The following MYH11 variants were observed in gnomAD, a reference collection of about 807,000 sequenced individuals.
MYH11 encodes the protein myosin heavy chain 11.
Under a neutral mutation model 246.6 loss-of-function variants are expected in MYH11, and 80 were observed. That is an observed-to-expected ratio of 0.32 (90% CI 0.27 to 0.39). MYH11 has a LOEUF of 0.39. Ranked by LOEUF, MYH11 falls within the 10% of genes least tolerant of loss-of-function variation. The probability of loss-of-function intolerance (pLI) is 1.00; values close to 1 mark genes in which losing one functional copy is unlikely to be tolerated. For synonymous variants in MYH11, 1,071 were observed against 1,015.5 expected (o/e 1.05, Z -1.04); for missense variants, 2,158 against 2,546.8 (o/e 0.85, Z 3.29).
At chr16:15,761,486 T>C (rs902643375) in intron 10 of MYH11, among the ~76,000 whole-genome samples, 2 of 152,218 alleles carry the variant, frequency 1.3e-5, no homozygotes, top group Non-Finnish European at 2.9e-5. Context: ...TACTGTTCAA[T>C]AAATATTTCT....
chr16:15,855,413 C>A (rs1008277012), intron 1 of MYH11, among the ~76,000 whole-genome samples: 1 of 152,206 alleles, frequency 6.6e-6, no homozygotes, highest in Non-Finnish European at 1.5e-5. Context: ...CTGACCCCAA[C>A]AAGTTTGTGT....
At chr16:15,845,799 G>A (rs1425365347) in intron 1 of MYH11, among the ~76,000 whole-genome samples, 1 of 151,886 alleles carries the variant, frequency 6.6e-6, no homozygotes, top group Non-Finnish European at 1.5e-5. Context: ...AAGTAAGATT[G>A]ATCACAAGTA....
chr16:15,804,891 G>C (rs114979469), intron 3 of MYH11, among the ~76,000 whole-genome samples: 8 of 152,172 alleles, frequency 5.3e-5, no homozygotes, highest in Non-Finnish European at 1.2e-4. Context: ...ATCATATTTT[G>C]TTTATCCATT....
At chr16:15,721,327 A>G in intron 32 of MYH11, 95 bp downstream of exon 32, 1 of 1,400,680 alleles carries the variant, frequency 7.1e-7, no homozygotes, top group Non-Finnish European at 1.0e-6. Flanking sequence ...GTTCGCTATG[A>G]AAAAGGCCAG....
intron 3 of MYH11, among the ~76,000 whole-genome samples, chr16:15,805,455 G>A (rs2042987338): frequency 6.6e-6 from 1 of 152,132 alleles, no homozygotes; most frequent in Admixed American, 6.6e-5. Flanking sequence ...TCCATGATAT[G>A]GCATTCAGAG....
intron 10 of MYH11, among the ~76,000 whole-genome samples, chr16:15,761,712 T>G (rs1198729996): frequency 6.6e-6 from 1 of 152,132 alleles, no homozygotes; most frequent in Non-Finnish European, 1.5e-5. Flanking sequence ...TAGGATTTTT[T>G]TTTCCCCATC....
chr16:15,754,947 G>A (rs959802067), intron 14 of MYH11, among the ~76,000 whole-genome samples: 2 of 152,166 alleles, frequency 1.3e-5, no homozygotes, highest in African/African-American at 4.8e-5. Context: ...TGGTGCTGGG[G>A]TTACAGGCGT....
intron 40 of MYH11, among the ~76,000 whole-genome samples, chr16:15,704,915 GCAGT>G (rs1430971025): frequency 4.6e-5 from 7 of 151,882 alleles, no homozygotes; most frequent in African/African-American, 1.7e-4. Flanking sequence ...CTGAGCTCAA[GCAGT>G]TCTCCTACCT....
chr16:15,781,343 G>A (rs1013949723), intron 6 of MYH11, among the ~76,000 whole-genome samples: 1 of 152,204 alleles, frequency 6.6e-6, no homozygotes, highest in Non-Finnish European at 1.5e-5. Flanking sequence ...GGCGAGGAAA[G>A]GAGACATTAT....
intron 38 of MYH11, among the ~76,000 whole-genome samples, chr16:15,716,235 G>T (rs1244607470): frequency 6.6e-6 from 1 of 152,078 alleles, no homozygotes; most frequent in Non-Finnish European, 1.5e-5. Context: ...ATATGGCCTG[G>T]GGTTTCTGTT....
chr16:15,855,648 T>C (rs1436764884), intron 1 of MYH11, among the ~76,000 whole-genome samples: 2 of 152,192 alleles, frequency 1.3e-5, no homozygotes, highest in African/African-American at 2.4e-5. Context: ...CACTGAAGTG[T>C]TCCATCAACG....
intron 4 of MYH11, among the ~76,000 whole-genome samples, chr16:15,797,253 C>T (rs2151320562): frequency 6.6e-6 from 1 of 152,304 alleles, no homozygotes; most frequent in East Asian, 1.9e-4. Context: ...CCATCACCAT[C>T]TGAAATTCTA....
intron 3 of MYH11, among the ~76,000 whole-genome samples, chr16:15,807,118 C>T (rs741715): frequency 0.12 from 18,883 of 152,064 alleles, 1,405 homozygotes; most frequent in East Asian, 0.2. Context: ...CATGCCACTA[C>T]GCCTGGCTAA....
At chr16:15,786,518 A>T in intron 5 of MYH11, 112 bp downstream of exon 5, 2 of 1,009,646 alleles carry the variant, frequency 2.0e-6, no homozygotes, top group Non-Finnish European at 3.2e-6. Context: ...GGGGAGGGGT[A>T]GTCAGATGGG....
In MYH11 at chr16:15,741,593, C is replaced by T. The variant is rs146404868; in HGVS notation, c.2729G>A (p.Arg910Gln). Residue 910 changes from arginine to glutamine, a missense_variant, in exon 22 of 41, where the codon CGG becomes CAG. Transcript: ENST00000300036. ...TELYAEAEEM[R>Q]VRLAAKKQEL... ...CTGCTTCTTGGCCGCCAGCCGCACC[C>T]GCATCTCCTCAGCCTCTGCATACAG... 4.3e-6 allele frequency: 7 copies of T among 1,612,756 alleles called. No individual in the cohort carries two copies. The East Asian group carries it at 6.7e-5, about 15-fold the overall frequency.
chr16:15,812,814 A>G (rs1261088205), intron 3 of MYH11, among the ~76,000 whole-genome samples: 1 of 152,220 alleles, frequency 6.6e-6, no homozygotes, highest in East Asian at 1.9e-4. Context: ...TCAAGCCTGC[A>G]GTGAGCCGTG....
chr16:15,745,582 C>CTTTTTTTTTTT (rs71981525), intron 19 of MYH11, among the ~76,000 whole-genome samples: 2 of 94,412 alleles, frequency 2.1e-5, no homozygotes, highest in African/African-American at 8.1e-5. Flanking sequence ...TTCTTTCTTT[C>CTTTTTTTTTTT]TTTTTTTTTT....
intron 40 of MYH11, among the ~76,000 whole-genome samples, chr16:15,710,761 C>T (rs2039740662): frequency 6.6e-6 from 1 of 151,852 alleles, no homozygotes; most frequent in Admixed American, 6.6e-5. Context: ...ACTGCAGGCT[C>T]CTCCTCCTGG....
intron 34 of MYH11, 57 bp downstream of exon 34, chr16:15,720,094 C>G (rs1242732568): frequency 6.2e-7 from 1 of 1,610,934 alleles, no homozygotes; most frequent in Non-Finnish European, 8.5e-7. Context: ...ACTTCGGTGG[C>G]CTGAGGGGAA....
Sources: gnomAD v4.1 joint callset for allele counts (sites outside exome capture counted in the v4.1 genomes callset) on GRCh38, gnomAD v4.1.1 for gene constraint, MANE v1.5 for transcripts, NCBI Gene and HGNC (gene_info 2026-07-23, HGNC 2026-07-21) for gene names.